Variants in UBR1 observed in about 807,000 individuals in gnomAD.
UBR1 encodes E3 ubiquitin-protein ligase UBR1.
Under a neutral mutation model 242.1 loss-of-function variants are expected in UBR1, and 102 were observed. That is an observed-to-expected ratio of 0.42 (90% CI 0.36 to 0.50). The LOEUF (loss-of-function observed/expected upper bound fraction) is 0.50, where lower values mean the gene tolerates loss of function less well. UBR1 is among the 20% of genes least tolerant of loss of function. UBR1 has a pLI of 0.01. For missense variants in UBR1, 1,772 were observed against 2,101.8 expected (o/e 0.84, Z 3.07); for synonymous variants, 675 against 684.8 (o/e 0.99, Z 0.22).
At chr15:43,040,476 A>G (rs897716614) in intron 15 of UBR1, among the ~76,000 whole-genome samples, 1 of 152,252 alleles carries the variant, frequency 6.6e-6, no homozygotes, top group Non-Finnish European at 1.5e-5. Context: ...CTTAAATGTA[A>G]GACCTAAACC....
At chr15:42,988,104 C>T (rs1407085036) in intron 35 of UBR1, among the ~76,000 whole-genome samples, 1 of 152,142 alleles carries the variant, frequency 6.6e-6, no homozygotes, top group African/African-American at 2.4e-5. Flanking sequence ...TTCCTTTCCC[C>T]TTTCCGTTAA....
intron 3 of UBR1, among the ~76,000 whole-genome samples, chr15:43,077,027 T>TG (rs1350743691): frequency 1.1e-4 from 6 of 55,448 alleles, no homozygotes; most frequent in South Asian, 1.0e-3. Context: ...GGGAGGGTGG[T>TG]GGGGGGGTCA....
intron 33 of UBR1, among the ~76,000 whole-genome samples, chr15:42,992,816 C>T (rs918986173): frequency 6.6e-6 from 1 of 152,224 alleles, no homozygotes; most frequent in African/African-American, 2.4e-5. Flanking sequence ...GTCTCCCATG[C>T]TGTCAGTCAG....
chr15:43,085,701 T>C (rs1408897412), intron 2 of UBR1, among the ~76,000 whole-genome samples: 1 of 148,736 alleles, frequency 6.7e-6, no homozygotes. Flanking sequence ...CTAGCCAACA[T>C]GGTGAAACCT....
chr15:43,049,181 T>G (rs547245389), intron 12 of UBR1, among the ~76,000 whole-genome samples: 1 of 152,170 alleles, frequency 6.6e-6, no homozygotes, highest in Non-Finnish European at 1.5e-5. Flanking sequence ...GTTGGGAACA[T>G]AAACATGGAC....
At chr15:43,085,893 C>A in intron 2 of UBR1, 91 bp downstream of exon 2, 1 of 1,399,254 alleles carries the variant, frequency 7.1e-7, no homozygotes, top group East Asian at 2.5e-5. Flanking sequence ...TGCACTCCAG[C>A]CTGGGTCACA....
intron 1 of UBR1, chr15:43,092,006 A>G (rs1164377141): frequency 6.6e-6 from 3 of 452,242 alleles, no homozygotes; most frequent in South Asian, 1.6e-5. Context: ...GAATTGCTTG[A>G]GTCAGAGAGG....
chr15:43,062,015 G>A (rs546458743), intron 6 of UBR1, among the ~76,000 whole-genome samples: 1 of 152,214 alleles, frequency 6.6e-6, no homozygotes, highest in African/African-American at 2.4e-5. Flanking sequence ...CAAGGATGTG[G>A]AGAAACCCTT....
At chr15:43,067,040 A>T (rs1416277404) in intron 6 of UBR1, among the ~76,000 whole-genome samples, 1 of 152,226 alleles carries the variant, frequency 6.6e-6, no homozygotes, top group Non-Finnish European at 1.5e-5. Context: ...CAAGATATTG[A>T]TCCTCTTAGT....
At chr15:43,075,670 C>T (rs1475196016) in intron 3 of UBR1, among the ~76,000 whole-genome samples, 1 of 150,868 alleles carries the variant, frequency 6.6e-6, no homozygotes, top group Non-Finnish European at 1.5e-5. Context: ...GGCTGGAGTG[C>T]AATGGCGTGA....
chr15:43,056,800 A>G (rs899366630), intron 10 of UBR1, among the ~76,000 whole-genome samples: 10 of 152,150 alleles, frequency 6.6e-5, no homozygotes, highest in African/African-American at 2.4e-4. Flanking sequence ...TTCCACTCTA[A>G]TGGTATTGGG....
In UBR1 at chr15:42,969,088, G is replaced by A. The variant is rs569718068; in HGVS notation, c.4457+1432C>T. ...TCTAGTTCTAGATCCTTGAGGAATCGCCACACTGTCTTCCACAATTGTTGA... is the reference window on the plus strand; with the variant it reads ...TCTAGTTCTAGATCCTTGAGGAATCACCACACTGTCTTCCACAATTGTTGA... On this transcript the variant is annotated intron_variant, in intron 40 of 46. Transcript: ENST00000290650. Among the ~76,000 whole-genome samples the A allele has an allele frequency of 2.0e-5, 3 of 152,212 alleles. No homozygotes were observed. In the South Asian group the frequency reaches 6.2e-4, roughly 32 times the overall value.
chr15:43,076,563 C>G (rs2033898648), intron 3 of UBR1, among the ~76,000 whole-genome samples: 1 of 150,794 alleles, frequency 6.6e-6, no homozygotes, highest in Non-Finnish European at 1.5e-5. Context: ...GCCGCCCTGT[C>G]TGGGATGTGA....
At position 43,046,158 on chromosome 15, in the gene UBR1, C is replaced by G. The variant is rs905092620; in HGVS notation, c.1668+1003G>C. Among the ~76,000 whole-genome samples the G allele has an allele frequency of 3.3e-5, 5 of 152,190 alleles. No homozygotes were observed. The South Asian group carries it at 1.0e-3, about 32-fold the overall frequency. ...CAAGATGAAACCTTTGCCTCATCAC[C>G]TAACAATTGTGCATGCCCTCCATAA... On this transcript the variant is annotated intron_variant, in intron 14 of 46. Transcript: ENST00000290650.
In UBR1 at chr15:43,007,131, C is replaced by T. The variant is rs747298023; in HGVS notation, c.3363G>A (p.Gln1121=). 2 of 1,614,118 alleles carry T rather than the reference C, an allele frequency of 1.2e-6. No homozygotes were observed. The highest frequency in any genetic ancestry group is 1.7e-6 in the Non-Finnish European group (2 of 1,180,024). ...TGTGCTGGGTTAAGGCAGTAGATTT[C>T]TGGACACAGGCCGATAATACCATGG... ...NNAMVLSACV[Q]KSTALTQHRG... The change falls in exon 30 of 47, where the codon CAG becomes CAA. Residue 1121 remains glutamine, a synonymous_variant. Transcript: ENST00000290650.
In UBR1 at chr15:43,015,732, T is replaced by G. The variant is rs765995711; in HGVS notation, c.3165A>C (p.Thr1055=). 3 of 1,614,094 alleles carry G rather than the reference T, an allele frequency of 1.9e-6. No individual in the cohort carries two copies. Among genetic ancestry groups the G allele is most frequent in the Non-Finnish European group, 2.5e-6 (3 of 1,180,048 alleles). ...AATCTTCTTTCCCAGGCATTTCTGA[T>G]GTATTGTCATACATGAGTTTATGAG... ...IETHKLMYDN[T]SEMPGKEDSI... is the part of the protein sequence containing the mutation. Residue 1055 remains threonine, a synonymous_variant, in exon 29 of 47, where the codon ACA becomes ACC. Coordinates refer to ENST00000290650, the MANE Select transcript of UBR1 (RefSeq NM_174916.3).
chr15:42,978,630 C>A (rs1370331077), intron 37 of UBR1, among the ~76,000 whole-genome samples: 4 of 152,112 alleles, frequency 2.6e-5, no homozygotes, highest in Admixed American at 2.6e-4. Flanking sequence ...TGGTTCTGAA[C>A]TCTGGCTCAG....
At chr15:43,088,844 A>G (rs964809570) in intron 1 of UBR1, among the ~76,000 whole-genome samples, 2 of 88,384 alleles carry the variant, frequency 2.3e-5, no homozygotes, top group African/African-American at 1.3e-4. Flanking sequence ...GCAACTAACA[A>G]AAAAAAAAAA....
intron 27 of UBR1, among the ~76,000 whole-genome samples, chr15:43,019,494 C>T (rs1189992756): frequency 1.3e-5 from 2 of 151,626 alleles, no homozygotes; most frequent in Non-Finnish European, 2.9e-5. Flanking sequence ...TTTATATATT[C>T]TGATTATCAA....
Sources: gnomAD v4.1 joint callset for allele counts (sites outside exome capture counted in the v4.1 genomes callset) on GRCh38, gnomAD v4.1.1 for gene constraint, MANE v1.5 for transcripts, NCBI Gene and HGNC (gene_info 2026-07-23, HGNC 2026-07-21) for gene names.